Variants in RBMS3 observed in about 807,000 individuals in gnomAD.
The protein encoded by RBMS3 is RNA-binding motif, single-stranded-interacting protein 3.
RBMS3 carries 27 observed loss-of-function variants against 66.8 expected under a neutral mutation model. The observed-to-expected ratio is 0.40, with a 90% CI of 0.30 to 0.56. The LOEUF (loss-of-function observed/expected upper bound fraction) is 0.56. RBMS3 is among the 20% of genes least tolerant of loss of function. RBMS3 has a pLI of 0.40. For missense variants in RBMS3, 513 were observed against 549.5 expected (o/e 0.93, Z 0.66); for synonymous variants, 188 against 183.0 (o/e 1.03, Z -0.22).
chr3:29,428,722 A>C (rs2125713704), intron 1 of RBMS3, among the ~76,000 whole-genome samples: 1 of 152,292 alleles, frequency 6.6e-6, no homozygotes, highest in East Asian at 1.9e-4. Context: ...TAAATGAATC[A>C]GCTGTTTAGG....
At chr3:29,483,550 T>G (rs990040021) in intron 2 of RBMS3, among the ~76,000 whole-genome samples, 2 of 152,118 alleles carry the variant, frequency 1.3e-5, no homozygotes, top group Non-Finnish European at 2.9e-5. Flanking sequence ...CCTGTGTTGA[T>G]AAGCCTCCTA....
chr3:29,932,468 T>C (rs1356303951), intron 10 of RBMS3, among the ~76,000 whole-genome samples: 1 of 152,166 alleles, frequency 6.6e-6, no homozygotes, highest in African/African-American at 2.4e-5. Flanking sequence ...AAAATACAGA[T>C]TTCAAGGCCT....
At chr3:29,415,688 C>T (rs1465664852) in intron 1 of RBMS3, among the ~76,000 whole-genome samples, 6 of 152,040 alleles carry the variant, frequency 3.9e-5, no homozygotes, top group South Asian at 2.1e-4. Flanking sequence ...AATAGTAGAA[C>T]GGATGGAAAA....
intron 6 of RBMS3, among the ~76,000 whole-genome samples, chr3:29,840,577 C>T (rs993186749): frequency 1.3e-5 from 2 of 151,966 alleles, no homozygotes; most frequent in Admixed American, 1.3e-4. Flanking sequence ...AGACCAATAA[C>T]ATCTTAGTAG....
At chr3:29,627,748 A>G (rs953829576) in intron 4 of RBMS3, among the ~76,000 whole-genome samples, 2 of 152,112 alleles carry the variant, frequency 1.3e-5, no homozygotes, top group African/African-American at 4.8e-5. Flanking sequence ...ATCTGTTTTC[A>G]TGTGGTAAGC....
intron 6 of RBMS3, among the ~76,000 whole-genome samples, chr3:29,812,774 C>T (rs536672338): frequency 9.7e-4 from 148 of 152,094 alleles, no homozygotes; most frequent in African/African-American, 3.1e-3. Context: ...ATGTATTTGC[C>T]GATGCCTTCT....
intron 3 of RBMS3, among the ~76,000 whole-genome samples, chr3:29,583,287 CAG>C (rs1304033206): frequency 4.6e-5 from 7 of 151,896 alleles, no homozygotes; most frequent in Non-Finnish European, 1.0e-4. Flanking sequence ...GAGAAGAAGC[CAG>C]AGAGAAGGCA....
intron 1 of RBMS3, among the ~76,000 whole-genome samples, chr3:29,403,403 T>C (rs1211790553): frequency 6.6e-6 from 1 of 152,060 alleles, no homozygotes; most frequent in African/African-American, 2.4e-5. Flanking sequence ...GGATGCAATA[T>C]TGTGGAGTGT....
intron 1 of RBMS3, among the ~76,000 whole-genome samples, chr3:29,340,010 A>G (rs1442837747): frequency 6.6e-6 from 1 of 152,166 alleles, no homozygotes; most frequent in Admixed American, 6.6e-5. Flanking sequence ...TTGGGGCCAG[A>G]CACAAACATT....
intron 1 of RBMS3, among the ~76,000 whole-genome samples, chr3:29,325,254 A>G (rs2035251857): frequency 2.0e-5 from 3 of 152,170 alleles, no homozygotes; most frequent in Admixed American, 1.3e-4. Flanking sequence ...GTGGGAAATA[A>G]GATTATATTT....
chr3:29,998,501 C>T (rs1344803946), intron 14 of RBMS3, among the ~76,000 whole-genome samples: 1 of 152,170 alleles, frequency 6.6e-6, no homozygotes, highest in Non-Finnish European at 1.5e-5. Flanking sequence ...CATCACGCTA[C>T]CTGACTTCAA....
intron 1 of RBMS3, among the ~76,000 whole-genome samples, chr3:29,289,228 G>A (rs2032619057): frequency 6.6e-6 from 1 of 151,886 alleles, no homozygotes; most frequent in African/African-American, 2.4e-5. Context: ...GCTATGGAAG[G>A]TATGAAGTTA....
At chr3:29,513,050 A>G (rs146968628) in intron 3 of RBMS3, among the ~76,000 whole-genome samples, 1 of 152,280 alleles carries the variant, frequency 6.6e-6, no homozygotes, top group Non-Finnish European at 1.5e-5. Context: ...ACCCCTCAGC[A>G]GCAGTTCCAA....
chr3:29,712,552 A>G (rs981119178), intron 4 of RBMS3, among the ~76,000 whole-genome samples: 1 of 152,166 alleles, frequency 6.6e-6, no homozygotes, highest in Non-Finnish European at 1.5e-5. Flanking sequence ...GGCTCAAACA[A>G]TCTGCCCACC....
intron 4 of RBMS3, among the ~76,000 whole-genome samples, chr3:29,683,757 C>G (rs981555134): frequency 6.6e-6 from 1 of 152,162 alleles, no homozygotes; most frequent in Non-Finnish European, 1.5e-5. Flanking sequence ...CTCAACTTTT[C>G]TTTCTTATCA....
chr3:29,693,266 C>T (rs189715766), intron 4 of RBMS3, among the ~76,000 whole-genome samples: 1 of 152,116 alleles, frequency 6.6e-6, no homozygotes, highest in Admixed American at 6.5e-5. Flanking sequence ...CTGTACAGAG[C>T]AAATTCAGAC....
rs200714787 is a variant in RBMS3, at chr3:29,618,518, GA to G, written c.399+31323del. ...AAAAACTCTATCTCAAAAAAAGAAA[GA>G]AAAAAAAAATAGCACAGAGCAAAGC... On this transcript the variant is annotated intron_variant, in intron 4 of 14. Transcript: ENST00000383767. Among the ~76,000 whole-genome samples, 241 of 147,040 alleles carry G rather than the reference GA, an allele frequency of 1.6e-3. 2 individuals carry two copies. The highest frequency in any genetic ancestry group is 9.5e-3 in the East Asian group (48 of 5,052).
intron 4 of RBMS3, among the ~76,000 whole-genome samples, chr3:29,631,535 A>C (rs1004946705): frequency 2.0e-5 from 3 of 151,882 alleles, no homozygotes; most frequent in African/African-American, 7.2e-5. Context: ...ATAGTTTTAG[A>C]ATATTATTAC....
chr3:29,703,510 A>G (rs2052728276), intron 4 of RBMS3, among the ~76,000 whole-genome samples: 1 of 152,222 alleles, frequency 6.6e-6, no homozygotes, highest in Non-Finnish European at 1.5e-5. Flanking sequence ...ATCTTAGTAC[A>G]TGTAGGTTCA....
Sources: gnomAD v4.1 joint callset for allele counts (sites outside exome capture counted in the v4.1 genomes callset) on GRCh38, gnomAD v4.1.1 for gene constraint, MANE v1.5 for transcripts, NCBI Gene and HGNC (gene_info 2026-07-23, HGNC 2026-07-21) for gene names.